The following AHCYL2 variants were observed in gnomAD, a reference collection of about 807,000 sequenced individuals.
AHCYL2 encodes adenosylhomocysteinase like 2.
In AHCYL2, 28 loss-of-function variants were observed where a neutral mutation model predicts 81.4. The observed-to-expected ratio is 0.34, with a 90% CI of 0.25 to 0.47. AHCYL2 has a LOEUF of 0.47. Ranked by LOEUF, AHCYL2 falls within the 20% of genes least tolerant of loss-of-function variation. AHCYL2 has a pLI of 1.00. For synonymous variants in AHCYL2, 272 were observed against 290.2 expected (o/e 0.94, Z 0.64); for missense variants, 551 against 785.1 (o/e 0.70, Z 3.56).
intron 1 of AHCYL2, among the ~76,000 whole-genome samples, chr7:129,249,668 AC>A (rs1795184859): frequency 6.8e-6 from 1 of 147,968 alleles, no homozygotes; most frequent in African/African-American, 2.5e-5. Flanking sequence ...CTCATGATCC[AC>A]CCGCCTCGGC....
At chr7:129,389,383 T>TC (rs1795356416) in intron 3 of AHCYL2, among the ~76,000 whole-genome samples, 184 bp downstream of exon 3, 3 of 88,320 alleles carry the variant, frequency 3.4e-5, no homozygotes, top group Middle Eastern at 4.4e-3. Context: ...GAACCCTGTA[T>TC]TAAAAAAAAA....
At chr7:129,412,978 A>G (rs1796663221) in intron 11 of AHCYL2, among the ~76,000 whole-genome samples, 3 of 151,972 alleles carry the variant, frequency 2.0e-5, no homozygotes, top group Non-Finnish European at 4.4e-5. Flanking sequence ...AGCTGGGACT[A>G]CAGGCACATG....
In AHCYL2 at chr7:129,379,667, A is replaced by C. The variant is rs773156045; in HGVS notation, c.393A>C (p.Glu131Asp). ...TCCAGTTTGCTGACCAGAAGCAAGAATTCAACAAACGTCCCACCAAAATTG... is the reference window on the plus strand; with the variant it reads ...TCCAGTTTGCTGACCAGAAGCAAGACTTCAACAAACGTCCCACCAAAATTG... Reference protein sequence around the residue: ...KQIQFADQKQEFNKRPTKIGR... With the variant: ...KQIQFADQKQDFNKRPTKIGR... The change falls in exon 2 of 17, where the codon GAA (glutamate) becomes GAC (aspartate). Residue 131 changes from glutamate (E) to aspartate (D), a missense_variant. Physicochemically the swap from Glu to Asp is conservative, Grantham distance 45 (BLOSUM62 2). Transcript: ENST00000325006. 1.2e-6 allele frequency: 2 copies of C among 1,614,130 alleles called. No homozygotes were observed. The highest frequency in any genetic ancestry group is 1.7e-6 in the Non-Finnish European group (2 of 1,180,004).
intron 1 of AHCYL2, among the ~76,000 whole-genome samples, chr7:129,360,774 G>A (rs1313308170): frequency 2.6e-5 from 4 of 152,120 alleles, no homozygotes; most frequent in African/African-American, 9.7e-5. Context: ...GAAGGTAAGG[G>A]AATGTAGAGC....
chr7:129,298,309 T>A (rs1368557329), intron 1 of AHCYL2, among the ~76,000 whole-genome samples: 1 of 152,224 alleles, frequency 6.6e-6, no homozygotes. Context: ...CCTGGTTTTA[T>A]TGTTGAACAA....
chr7:129,361,520 TG>T (rs1329244348), intron 1 of AHCYL2, among the ~76,000 whole-genome samples: 34 of 152,228 alleles, frequency 2.2e-4, no homozygotes, highest in Admixed American at 1.9e-3. Flanking sequence ...ATTTGTGATT[TG>T]ATTAAATGAA....
intron 1 of AHCYL2, among the ~76,000 whole-genome samples, chr7:129,257,373 AG>A (rs1367375499): frequency 6.6e-6 from 1 of 152,104 alleles, no homozygotes; most frequent in Admixed American, 6.6e-5. Flanking sequence ...GTCAGAGACA[AG>A]GGAGGAAGTC....
intron 1 of AHCYL2, among the ~76,000 whole-genome samples, chr7:129,316,593 C>T (rs1009870583): frequency 6.6e-6 from 1 of 152,108 alleles, no homozygotes; most frequent in African/African-American, 2.4e-5. Flanking sequence ...GAGTTTTTGT[C>T]CCAGAGACAG....
At chr7:129,400,427 A>G in intron 6 of AHCYL2, 43 bp downstream of exon 6, 1 of 1,576,866 alleles carries the variant, frequency 6.3e-7, no homozygotes. Context: ...GGGGTCAGGA[A>G]TGGGGATGGG....
chr7:129,381,525 TA>T (rs1794955634), intron 2 of AHCYL2, among the ~76,000 whole-genome samples: 1 of 152,236 alleles, frequency 6.6e-6, no homozygotes, highest in Admixed American at 6.5e-5. Context: ...TGTATCTGTT[TA>T]ATGATACTAA....
intron 1 of AHCYL2, among the ~76,000 whole-genome samples, chr7:129,321,630 A>T (rs577031269): frequency 6.6e-6 from 1 of 151,054 alleles, no homozygotes; most frequent in Admixed American, 6.6e-5. Flanking sequence ...TTCTCTTACT[A>T]TGTCTTTCTA....
At chr7:129,242,688 C>T (rs1794906974) in intron 1 of AHCYL2, among the ~76,000 whole-genome samples, 1 of 151,000 alleles carries the variant, frequency 6.6e-6, no homozygotes, top group Admixed American at 6.6e-5. Context: ...TTGCACTCCA[C>T]CTGGGTGACA....
intron 1 of AHCYL2, chr7:129,377,391 G>T: frequency 4.0e-6 from 1 of 250,210 alleles, no homozygotes; most frequent in East Asian, 9.0e-5. Flanking sequence ...AAAACAATTT[G>T]CAAGCCCTAA....
intron 1 of AHCYL2, among the ~76,000 whole-genome samples, chr7:129,263,567 A>G (rs1795715993): frequency 6.6e-6 from 1 of 152,232 alleles, no homozygotes; most frequent in Non-Finnish European, 1.5e-5. Context: ...GAGGGAATAA[A>G]GCTAGTTGTA....
At chr7:129,303,432 A>C (rs1797318893) in intron 1 of AHCYL2, among the ~76,000 whole-genome samples, 1 of 152,166 alleles carries the variant, frequency 6.6e-6, no homozygotes, top group South Asian at 2.1e-4. Context: ...TAGGTTTTCC[A>C]ATTTATTGGC....
chr7:129,266,622 C>T (rs1016674676), intron 1 of AHCYL2, among the ~76,000 whole-genome samples: 2 of 152,090 alleles, frequency 1.3e-5, no homozygotes, highest in Admixed American at 1.3e-4. Context: ...TGGTTTTTAT[C>T]AGGGTAACGT....
intron 1 of AHCYL2, among the ~76,000 whole-genome samples, chr7:129,340,047 C>G (rs964707658): frequency 2.7e-5 from 4 of 150,276 alleles, no homozygotes; most frequent in Non-Finnish European, 5.9e-5. Context: ...GCCTCCCTAG[C>G]AGCTGGGACT....
intron 1 of AHCYL2, among the ~76,000 whole-genome samples, chr7:129,343,495 G>T (rs1332365979): frequency 1.3e-5 from 2 of 152,118 alleles, no homozygotes; most frequent in East Asian, 3.8e-4. Context: ...AAGGGAGAGG[G>T]GGAGCTTAGA....
rs1368354754 is a variant in AHCYL2, at chr7:129,389,074, G to A, written c.494G>A (p.Ser165Asn). Residue 165 changes from serine (S) to asparagine (N), a missense_variant, in exon 3 of 17, where the codon AGC becomes AAC. Physicochemically the swap from Ser to Asn is conservative, Grantham distance 46. This residue lies in a region of AHCYL2 where 235 missense variants were observed against 242.1 expected (regional missense o/e 0.97). Coordinates refer to ENST00000325006, the MANE Select transcript of AHCYL2 (RefSeq NM_015328.4). Reference sequence around the variant, plus strand: ...ATTCCAGCGGCTTCATATACAGATAGCTCTGATGATGAGACATCGCCCAGG... The same window carrying A: ...ATTCCAGCGGCTTCATATACAGATAACTCTGATGATGAGACATCGCCCAGG... Reference protein sequence around the residue: ...SYSSAASYTDSSDDETSPRDK... With the variant: ...SYSSAASYTDNSDDETSPRDK... 1.2e-6 allele frequency: 2 copies of A among 1,613,572 alleles called. No individual in the cohort carries two copies. Among genetic ancestry groups the A allele is most frequent in the Non-Finnish European group, 1.7e-6 (2 of 1,179,822 alleles).
Sources: gnomAD v4.1 joint callset for allele counts (sites outside exome capture counted in the v4.1 genomes callset) on GRCh38, gnomAD v4.1.1 for gene constraint, gnomAD v4.1.1 regional missense constraint, MANE v1.5 for transcripts, NCBI Gene and HGNC (gene_info 2026-07-23, HGNC 2026-07-21) for gene names.